Variants in EBF1 observed in about 807,000 individuals in gnomAD.
The protein encoded by EBF1 is transcription factor COE1.
Under a neutral mutation model 68.4 loss-of-function variants are expected in EBF1, and 10 were observed. The observed-to-expected ratio is 0.15, with a 90% CI of 0.09 to 0.25. The LOEUF is 0.25. Ranked by LOEUF, EBF1 falls within the 10% of genes least tolerant of loss-of-function variation. EBF1 has a pLI of 1.00. For missense variants in EBF1, 509 were observed against 794.4 expected (o/e 0.64, Z 4.32); for synonymous variants, 298 against 299.8 (o/e 0.99, Z 0.06).
At chr5:158,830,722 G>C (rs759319889) in intron 7 of EBF1, among the ~76,000 whole-genome samples, 2 of 152,202 alleles carry the variant, frequency 1.3e-5, no homozygotes, top group Non-Finnish European at 2.9e-5. Context: ...CATTAACTTT[G>C]TCCTTTAAAA....
intron 10 of EBF1, among the ~76,000 whole-genome samples, chr5:158,746,535 T>C (rs1283462185): frequency 2.0e-5 from 3 of 152,262 alleles, no homozygotes; most frequent in African/African-American, 7.2e-5. Flanking sequence ...CTAAGATTCC[T>C]CTGGACCTCT....
rs559017955 is a variant in EBF1, at chr5:158,906,556, A to G, written c.555-66446T>C. 3.9e-5 allele frequency among the ~76,000 whole-genome samples: 6 copies of G among 152,328 alleles called. No individual in the cohort carries two copies. The East Asian group carries it at 1.2e-3, about 29-fold the overall frequency. ...AGGAGGAATAGCTTACACACGTCTC[A>G]TACTCACCACGAAGCAGAGGCTGTG... On this transcript the variant is annotated intron_variant, in intron 6 of 15. Transcript: ENST00000313708.
At chr5:158,953,536 G>A (rs1015715466) in intron 6 of EBF1, among the ~76,000 whole-genome samples, 3 of 152,160 alleles carry the variant, frequency 2.0e-5, no homozygotes, top group Admixed American at 6.5e-5. Context: ...CCACTGTCTT[G>A]AACTCAGAAA....
At chr5:158,778,921 A>C (rs1293929944) in intron 9 of EBF1, among the ~76,000 whole-genome samples, 2 of 152,004 alleles carry the variant, frequency 1.3e-5, no homozygotes, top group Non-Finnish European at 2.9e-5. Context: ...TTTTGAAATT[A>C]TTTCTCTTTT....
chr5:158,966,511 G>A (rs1237761755), intron 6 of EBF1, among the ~76,000 whole-genome samples: 2 of 152,106 alleles, frequency 1.3e-5, no homozygotes, highest in Admixed American at 6.5e-5. Context: ...CAAAACCACT[G>A]AAAAATAGGC....
chr5:158,992,225 A>G (rs763709142), intron 6 of EBF1, among the ~76,000 whole-genome samples: 228 of 65,744 alleles, frequency 3.5e-3, no homozygotes, highest in Non-Finnish European at 6.1e-3. Flanking sequence ...CTTGTAAGGG[A>G]AAAAAAAAAA....
At chr5:158,875,068 C>CACACAG (rs1797589389) in intron 6 of EBF1, among the ~76,000 whole-genome samples, 1 of 151,292 alleles carries the variant, frequency 6.6e-6, no homozygotes, top group African/African-American at 2.4e-5. Context: ...CACACACACA[C>CACACAG]ACACACACAC....
chr5:159,043,420 T>A (rs1441425529), intron 6 of EBF1, among the ~76,000 whole-genome samples: 1 of 152,196 alleles, frequency 6.6e-6, no homozygotes, highest in Non-Finnish European at 1.5e-5. Context: ...TACCTTTATT[T>A]ATGTGATTCT....
At chr5:158,829,578 G>A (rs1359134975) in intron 7 of EBF1, among the ~76,000 whole-genome samples, 1 of 152,038 alleles carries the variant, frequency 6.6e-6, no homozygotes, top group Admixed American at 6.6e-5. Context: ...AGGGGAAACT[G>A]GGGGTTAGGG....
chr5:159,094,164 G>GTAAAAAAA (rs1415478986), intron 4 of EBF1, among the ~76,000 whole-genome samples: 1 of 14,206 alleles, frequency 7.0e-5, no homozygotes, highest in Non-Finnish European at 1.3e-4. Flanking sequence ...GCCTTGGAAG[G>GTAAAAAAA]CAAAAAAAAA....
chr5:158,950,498 G>A (rs747122356), intron 6 of EBF1, among the ~76,000 whole-genome samples: 12 of 152,116 alleles, frequency 7.9e-5, no homozygotes, highest in Non-Finnish European at 1.6e-4. Flanking sequence ...GAAATGCTCC[G>A]CCCAGTGTCT....
chr5:158,867,400 C>T (rs1194717497), intron 6 of EBF1, among the ~76,000 whole-genome samples: 3 of 152,108 alleles, frequency 2.0e-5, no homozygotes, highest in Non-Finnish European at 2.9e-5. Flanking sequence ...ACTTTACCTC[C>T]GTATTTTCAT....
intron 6 of EBF1, among the ~76,000 whole-genome samples, chr5:159,059,092 GGGTGTCCGTAGATACAAAC>G (rs993701243): frequency 6.6e-6 from 1 of 152,134 alleles, no homozygotes; most frequent in African/African-American, 2.4e-5. Flanking sequence ...GTAGCCCAAC[GGGTGTCCGTAGATACAAAC>G]CAAAGCTGGC....
At chr5:158,832,215 A>C (rs1391580421) in intron 7 of EBF1, among the ~76,000 whole-genome samples, 1 of 152,224 alleles carries the variant, frequency 6.6e-6, no homozygotes, top group Non-Finnish European at 1.5e-5. Context: ...GCTGTGTTTA[A>C]TGTAGAAATA....
chr5:158,957,471 T>C (rs1370788785), intron 6 of EBF1, among the ~76,000 whole-genome samples: 2 of 152,248 alleles, frequency 1.3e-5, no homozygotes, highest in East Asian at 1.9e-4. Flanking sequence ...AATCAACAGT[T>C]GTAGCTAAAT....
chr5:158,754,143 T>C (rs768881025), intron 10 of EBF1, among the ~76,000 whole-genome samples: 74 of 152,196 alleles, frequency 4.9e-4, no homozygotes, highest in Middle Eastern at 3.4e-3. Flanking sequence ...AAACTTCTGG[T>C]CAACTACATA....
intron 10 of EBF1, among the ~76,000 whole-genome samples, chr5:158,744,109 T>C (rs917504479): frequency 6.6e-6 from 1 of 151,722 alleles, no homozygotes; most frequent in African/African-American, 2.4e-5. Context: ...AGGTGGAGGT[T>C]GCAGTGAGCA....
chr5:159,045,533 C>T (rs1274167720), intron 6 of EBF1, among the ~76,000 whole-genome samples: 2 of 151,784 alleles, frequency 1.3e-5, no homozygotes, highest in East Asian at 3.9e-4. Flanking sequence ...TTAACAAATC[C>T]ACAATGTTTA....
intron 6 of EBF1, among the ~76,000 whole-genome samples, chr5:158,959,411 C>A (rs1184209182): frequency 6.6e-6 from 1 of 151,770 alleles, no homozygotes; most frequent in Non-Finnish European, 1.5e-5. Context: ...TCTGCCTCAG[C>A]CTCCTGAGTA....
Sources: allele counts gnomAD v4.1 joint callset (sites outside exome capture counted in the v4.1 genomes callset), GRCh38; gene constraint gnomAD v4.1.1; transcripts MANE v1.5; gene names NCBI Gene and HGNC (gene_info 2026-07-23, HGNC 2026-07-21).